Variants in PHC3 observed in about 807,000 individuals in gnomAD.
PHC3 encodes the protein polyhomeotic homolog 3, also known as polyhomeotic-like protein 3.
A neutral mutation model predicts 107.4 loss-of-function variants in PHC3; 13 were observed. That is an observed-to-expected ratio of 0.12 (90% CI 0.08 to 0.19). The LOEUF (loss-of-function observed/expected upper bound fraction) is 0.19, where lower values mean the gene tolerates loss of function less well. Ranked by LOEUF, PHC3 falls within the 10% of genes least tolerant of loss-of-function variation. The probability of loss-of-function intolerance (pLI) is 1.00; values close to 1 mark genes in which losing one functional copy is unlikely to be tolerated. For synonymous variants in PHC3, 456 were observed against 427.4 expected (o/e 1.07, Z -0.83); for missense variants, 992 against 1,210.9 (o/e 0.82, Z 2.68).
At chr3:170,163,461 A>T (rs1311009831) in intron 4 of PHC3, among the ~76,000 whole-genome samples, 7 of 146,216 alleles carry the variant, frequency 4.8e-5, no homozygotes, top group African/African-American at 1.0e-4. Flanking sequence ...TTTAGTAAAG[A>T]GTGTGTGTGT....
chr3:170,178,734 T>C (rs1730914828), intron 2 of PHC3, 39 bp downstream of exon 2: 6 of 1,598,472 alleles, frequency 3.8e-6, no homozygotes, highest in Non-Finnish European at 5.1e-6. Flanking sequence ...TAATATGACA[T>C]CTTAAGTCTT....
intron 2 of PHC3, among the ~76,000 whole-genome samples, chr3:170,178,423 G>A (rs1478694123): frequency 2.0e-5 from 3 of 152,132 alleles, no homozygotes; most frequent in Non-Finnish European, 2.9e-5. Flanking sequence ...GAGCCACCGC[G>A]CCCGGCCGAC....
chr3:170,143,317 A>C (rs762709074), intron 6 of PHC3, among the ~76,000 whole-genome samples: 15 of 152,228 alleles, frequency 9.9e-5, no homozygotes, highest in South Asian at 2.1e-4. Context: ...CATTTTATAA[A>C]TACGGGGGAA....
intron 7 of PHC3, among the ~76,000 whole-genome samples, chr3:170,131,002 A>G (rs143768145): frequency 0.012 from 1,855 of 152,240 alleles, 40 homozygotes; most frequent in African/African-American, 0.042. Flanking sequence ...TGACAACTTT[A>G]TAAAAACTTT....
intron 14 of PHC3, among the ~76,000 whole-genome samples, chr3:170,098,706 CTTAT>C (rs1714979225): frequency 6.6e-6 from 1 of 151,790 alleles, no homozygotes; most frequent in Admixed American, 6.6e-5. Context: ...TTTTCTCTTG[CTTAT>C]TTCTTTTCTC....
chr3:170,117,886 G>A (rs980082751), intron 9 of PHC3, among the ~76,000 whole-genome samples: 2 of 151,140 alleles, frequency 1.3e-5, no homozygotes, highest in African/African-American at 2.4e-5. Context: ...GGTGGCACAC[G>A]CCTGTCATCT....
intron 7 of PHC3, among the ~76,000 whole-genome samples, chr3:170,134,157 AAAT>A (rs1722686843): frequency 6.6e-6 from 1 of 152,018 alleles, no homozygotes; most frequent in Non-Finnish European, 1.5e-5. Flanking sequence ...TAAAAAAAAA[AAAT>A]AAGAATTCGT....
At chr3:170,181,559 G>C (rs1248850138) in intron 1 of PHC3, 143 bp downstream of exon 1, 1 of 1,219,646 alleles carries the variant, frequency 8.2e-7, no homozygotes, top group East Asian at 2.5e-5. Context: ...GGCCTAGCCG[G>C]CTCCTCCACG....
At chr3:170,180,403 C>A (rs918646065) in intron 1 of PHC3, among the ~76,000 whole-genome samples, 3 of 152,028 alleles carry the variant, frequency 2.0e-5, no homozygotes, top group African/African-American at 7.2e-5. Context: ...GAGCTATGAT[C>A]GTGCCACTGC....
In PHC3 at chr3:170,094,894, GAACA is replaced by G. The variant is rs1234528692; in HGVS notation, c.*2332_*2335del. On this transcript the variant is annotated 3_prime_UTR_variant, in exon 15 of 15. Coordinates refer to ENST00000495893, the MANE Select transcript of PHC3 (RefSeq NM_024947.4). ...ACAGAATGGCTGCTATTAGGAAAGA[GAACA>G]AATAAAAGGAGAGCCTACAACACAG... 1.3e-5 allele frequency: 2 copies of G among 152,020 alleles called. No homozygotes were observed. Among genetic ancestry groups the G allele is most frequent in the Non-Finnish European group, 2.9e-5 (2 of 67,976 alleles). The allele number at this position is 152,020 out of a possible 1,614,324, so 9.4% of individuals were successfully genotyped here. A position where few individuals can be genotyped will look rare whatever the true frequency, so the allele number is the denominator to read the frequency against.
intron 7 of PHC3, among the ~76,000 whole-genome samples, chr3:170,134,995 G>GA (rs1437222344): frequency 1.3e-5 from 2 of 152,104 alleles, no homozygotes; most frequent in Non-Finnish European, 2.9e-5. Flanking sequence ...ATTAACACAG[G>GA]AAACTTGAGA....
rs1211595465 is a variant in PHC3 at position 170,088,700 on chromosome 3, TTTAAAAA to T, written c.*8523_*8529del. 1 of 152,222 alleles carries T rather than the reference TTTAAAAA, an allele frequency of 6.6e-6. No homozygotes were observed. 9.4% of individuals were successfully genotyped at this position (152,222 alleles called of 1,614,324 possible). ...AACATATTTGAAGAATTAGTTACAC[TTTAAAAA>T]TTAAAACACTTGAAAAGTATTTTTT... On this transcript the variant is annotated 3_prime_UTR_variant, in exon 15 of 15. Transcript: ENST00000495893.
intron 5 of PHC3, among the ~76,000 whole-genome samples, chr3:170,146,288 T>A (rs1390491802): frequency 1.3e-5 from 2 of 150,946 alleles, no homozygotes; most frequent in Non-Finnish European, 2.9e-5. Context: ...GGCAGGAGAA[T>A]CACTTGAACC....
chr3:170,095,262 T>C lies in PHC3; in HGVS notation c.*1968A>G, dbSNP rs1426506288. The C allele has an allele frequency of 1.3e-5, 2 of 152,150 alleles. No individual in the cohort carries two copies. The highest frequency in any genetic ancestry group is 2.9e-5 in the Non-Finnish European group (2 of 68,020). 9.4% of individuals were successfully genotyped at this position (152,150 alleles called of 1,614,324 possible). On this transcript the variant is annotated 3_prime_UTR_variant, in exon 15 of 15. Coordinates refer to ENST00000495893, the MANE Select transcript of PHC3 (RefSeq NM_024947.4). ...TTTAATCCAATGATTAAAAATGTGA[T>C]ATAAAGAAATACGTAACATAGACTA...
At chr3:170,174,862 T>C (rs1476989701) in intron 2 of PHC3, among the ~76,000 whole-genome samples, 2 of 152,224 alleles carry the variant, frequency 1.3e-5, no homozygotes, top group Non-Finnish European at 2.9e-5. Flanking sequence ...TATACCTTTT[T>C]TAGTCAGATC....
At chr3:170,123,691 G>A (rs952568074) in intron 8 of PHC3, among the ~76,000 whole-genome samples, 2 of 151,776 alleles carry the variant, frequency 1.3e-5, no homozygotes, top group African/African-American at 4.8e-5. Context: ...TACTTGGGAG[G>A]CTGAATCAAG....
intron 11 of PHC3, among the ~76,000 whole-genome samples, chr3:170,112,152 T>C (rs1246647948): frequency 6.6e-6 from 1 of 152,128 alleles, no homozygotes; most frequent in Non-Finnish European, 1.5e-5. Context: ...ACCGTTTTCA[T>C]TTTCATTTTT....
rs1727053556 is a variant in PHC3, at chr3:170,157,357, CAACT to C, written c.415-8117_415-8114del. Among the ~76,000 whole-genome samples, 8 of 152,234 alleles carry C rather than the reference CAACT, an allele frequency of 5.3e-5. No homozygotes were observed. In the South Asian group the frequency reaches 1.7e-3, roughly 32 times the overall value. On this transcript the variant is annotated intron_variant, in intron 4 of 14. Coordinates refer to ENST00000495893, the MANE Select transcript of PHC3 (RefSeq NM_024947.4). Reference sequence around the variant, plus strand: ...GATAAGATGTGGAGGGGTATGGAACCAACTAAGAAGACAGACGGACTGAAAGGGA... The same window carrying C: ...GATAAGATGTGGAGGGGTATGGAACCAAGAAGACAGACGGACTGAAAGGGA...
intron 11 of PHC3, among the ~76,000 whole-genome samples, chr3:170,111,856 T>C (rs979802246): frequency 6.6e-6 from 1 of 152,180 alleles, no homozygotes. Flanking sequence ...TCGCTTAATT[T>C]AGCGAAGTAA....
Sources: allele counts gnomAD v4.1 joint callset (sites outside exome capture counted in the v4.1 genomes callset), GRCh38; gene constraint gnomAD v4.1.1; transcripts MANE v1.5; gene names NCBI Gene and HGNC (gene_info 2026-07-23, HGNC 2026-07-21).